The following SEPTIN10 variants were observed in gnomAD, a reference collection of about 807,000 sequenced individuals.
SEPTIN10 encodes septin-10.
SEPTIN10 carries 66 observed loss-of-function variants against 54.8 expected under a neutral mutation model. The ratio of observed to expected loss-of-function variants is 1.21; its 90% CI spans 0.99 to 1.48. The LOEUF (loss-of-function observed/expected upper bound fraction) is 1.48, where lower values mean the gene tolerates loss of function less well. SEPTIN10 is among the 40% of genes most tolerant of loss of function. The pLI is 0.00. For missense variants in SEPTIN10, 620 were observed against 545.6 expected, an observed-to-expected ratio of 1.14 and a Z score of -1.36; for synonymous variants, 161 against 181.0, an observed-to-expected ratio of 0.89 and a Z score of 0.89.
chr2:109,589,306 G>A (rs1443281736), intron 2 of SEPTIN10, among the ~76,000 whole-genome samples: 1 of 152,100 alleles, frequency 6.6e-6, no homozygotes, highest in Non-Finnish European at 1.5e-5. Context: ...GCCAAGGCAG[G>A]CAGGTTACTT....
chr2:109,582,827 G>A (rs938966257), intron 4 of SEPTIN10, among the ~76,000 whole-genome samples: 1 of 152,136 alleles, frequency 6.6e-6, no homozygotes, highest in Non-Finnish European at 1.5e-5. Context: ...TATAAAAACA[G>A]ACAAATAGAC....
intron 8 of SEPTIN10, among the ~76,000 whole-genome samples, chr2:109,558,795 T>C (rs761439338): frequency 5.9e-5 from 9 of 152,288 alleles, no homozygotes; most frequent in South Asian, 2.1e-4. Context: ...TACTGCTAGA[T>C]AGATATAATA....
intron 4 of SEPTIN10, among the ~76,000 whole-genome samples, chr2:109,579,964 T>C (rs901143499): frequency 1.3e-5 from 2 of 151,302 alleles, no homozygotes; most frequent in Admixed American, 1.3e-4. Flanking sequence ...CTACTAAAAA[T>C]ACAAAAATTA....
chr2:109,583,397 T>G (rs1691680797), intron 4 of SEPTIN10, among the ~76,000 whole-genome samples: 1 of 152,138 alleles, frequency 6.6e-6, no homozygotes, highest in African/African-American at 2.4e-5. Context: ...ACGCTCAACA[T>G]AACTCATCAT....
intron 4 of SEPTIN10, among the ~76,000 whole-genome samples, chr2:109,583,331 C>T (rs543294118): frequency 6.6e-6 from 1 of 152,108 alleles, no homozygotes; most frequent in Middle Eastern, 3.4e-3. Flanking sequence ...AAAAACAACC[C>T]CATTAAAAAG....
intron 2 of SEPTIN10, among the ~76,000 whole-genome samples, chr2:109,591,902 AAAAC>A (rs1694156238): frequency 6.6e-6 from 1 of 152,190 alleles, no homozygotes; most frequent in African/African-American, 2.4e-5. Flanking sequence ...CCCTGTCTCA[AAAAC>A]AAACAAAATA....
rs547114130 is a variant in SEPTIN10 at position 109,581,418 on chromosome 2, CAG to C, written c.413+3706_413+3707del. Among the ~76,000 whole-genome samples the C allele has an allele frequency of 2.2e-4, 33 of 148,856 alleles. 1 individual carries two copies. The East Asian group carries it at 5.9e-3, about 27-fold the overall frequency. ...CGCCACTGCACTCCTGCCTAGGCGA[CAG>C]AGTGAGACCCTGTCTCAAAAAAAAA... On this transcript the variant is annotated intron_variant, in intron 4 of 10. Coordinates refer to ENST00000397712, the MANE Select transcript of SEPTIN10 (RefSeq NM_144710.5).
intron 1 of SEPTIN10, chr2:109,594,710 C>A (rs572215787): frequency 6.6e-6 from 1 of 152,258 alleles, no homozygotes; most frequent in Non-Finnish European, 1.5e-5. Context: ...TGTGCGGGCG[C>A]GTGCACGCAT....
At chr2:109,560,429 C>T (rs537561572) in intron 8 of SEPTIN10, among the ~76,000 whole-genome samples, 2 of 152,298 alleles carry the variant, frequency 1.3e-5, no homozygotes, top group South Asian at 4.1e-4. Context: ...CTCCTATCTG[C>T]TCCTCCAGCT....
chr2:109,579,600 C>T (rs1690602378), intron 4 of SEPTIN10, among the ~76,000 whole-genome samples: 1 of 151,004 alleles, frequency 6.6e-6, no homozygotes, highest in Non-Finnish European at 1.5e-5. Context: ...TCAGGCTGGT[C>T]TCAAACTCCT....
chr2:109,611,320 AAAT>A (rs1203004683), intron 1 of SEPTIN10, among the ~76,000 whole-genome samples: 1 of 152,252 alleles, frequency 6.6e-6, no homozygotes, highest in African/African-American at 2.4e-5. Flanking sequence ...CCATAAAAGG[AAAT>A]AATGATAAAT....
intron 4 of SEPTIN10, among the ~76,000 whole-genome samples, chr2:109,581,027 T>C (rs780289549): frequency 6.6e-6 from 1 of 152,196 alleles, no homozygotes; most frequent in Non-Finnish European, 1.5e-5. Context: ...TAAAGAATAA[T>C]ATGCATATGC....
intron 1 of SEPTIN10, among the ~76,000 whole-genome samples, chr2:109,594,216 C>T (rs561452924): frequency 9.9e-5 from 15 of 152,102 alleles, no homozygotes; most frequent in African/African-American, 3.6e-4. Flanking sequence ...GAATACAGCA[C>T]AAGATAATGA....
At chr2:109,574,465 A>AAT (rs1558787816) in intron 5 of SEPTIN10, 116 bp downstream of exon 5, 1 of 617,172 alleles carries the variant, frequency 1.6e-6, no homozygotes, top group Non-Finnish European at 2.3e-6. Context: ...AAAAAAAAAA[A>AAT]ATTTAAAAAA....
At chr2:109,599,458 CAAAAAAAAAA>C (rs55670927) in intron 1 of SEPTIN10, among the ~76,000 whole-genome samples, 2 of 63,332 alleles carry the variant, frequency 3.2e-5, no homozygotes, top group South Asian at 1.1e-3. Context: ...ACTCAGTCTC[CAAAAAAAAAA>C]AAAAAAAAAG....
intron 8 of SEPTIN10, among the ~76,000 whole-genome samples, chr2:109,559,916 T>C (rs1276771648): frequency 6.7e-6 from 1 of 148,662 alleles, no homozygotes; most frequent in Non-Finnish European, 1.5e-5. Context: ...AATGCCTTTT[T>C]TTTTTTTTTT....
intron 1 of SEPTIN10, among the ~76,000 whole-genome samples, chr2:109,601,115 T>C (rs570338342): frequency 8.5e-5 from 13 of 152,258 alleles, no homozygotes; most frequent in African/African-American, 2.4e-4. Flanking sequence ...ACAGGCATGG[T>C]TGATTAACCA....
chr2:109,598,632 C>A (rs1017720421), intron 1 of SEPTIN10, among the ~76,000 whole-genome samples: 8 of 151,880 alleles, frequency 5.3e-5, no homozygotes, highest in African/African-American at 1.9e-4. Flanking sequence ...CACTTGAGGT[C>A]AGGAGGTCAA....
chr2:109,565,685 A>AC (rs1686816045), intron 7 of SEPTIN10, 78 bp downstream of exon 7: 2 of 1,209,632 alleles, frequency 1.7e-6, no homozygotes, highest in Admixed American at 3.4e-5. Context: ...ACTAAGCATC[A>AC]CCCCAAAGAA....
Sources: allele counts gnomAD v4.1 joint callset (sites outside exome capture counted in the v4.1 genomes callset), GRCh38; gene constraint gnomAD v4.1.1; transcripts MANE v1.5; gene names NCBI Gene and HGNC (gene_info 2026-07-23, HGNC 2026-07-21).